PCSK5: variants seen among roughly 807,000 people sequenced by gnomAD.
PCSK5 encodes the protein prohormone convertase 5.
PCSK5 carries 129 observed loss-of-function variants against 233.2 expected under a neutral mutation model. The ratio of observed to expected loss-of-function variants is 0.55; its 90% CI spans 0.48 to 0.64. The LOEUF (loss-of-function observed/expected upper bound fraction) is 0.64. Ranked by LOEUF, PCSK5 falls within the 30% of genes least tolerant of loss-of-function variation. The pLI is 0.00. For synonymous variants in PCSK5, 825 were observed against 879.2 expected, an observed-to-expected ratio of 0.94 and a Z score of 1.09; for missense variants, 2,076 against 2,430.1, an observed-to-expected ratio of 0.85 and a Z score of 3.06.
intron 24 of PCSK5, among the ~76,000 whole-genome samples, chr9:76,259,990 C>G (rs1036381461): frequency 6.6e-6 from 1 of 152,200 alleles, no homozygotes; most frequent in African/African-American, 2.4e-5. Context: ...TTAGCCAGGA[C>G]AGCTTTGCTT....
chr9:76,264,356 T>G (rs1827270639), intron 24 of PCSK5, among the ~76,000 whole-genome samples: 1 of 152,124 alleles, frequency 6.6e-6, no homozygotes, highest in Non-Finnish European at 1.5e-5. Flanking sequence ...ATAAAAATCC[T>G]AGAAGAAAAC....
intron 10 of PCSK5, among the ~76,000 whole-genome samples, chr9:76,152,802 T>A (rs956670107): frequency 2.8e-4 from 42 of 152,352 alleles, no homozygotes; most frequent in Admixed American, 1.2e-3. Flanking sequence ...GAATAGAGTC[T>A]TTTAGGCCTC....
intron 3 of PCSK5, among the ~76,000 whole-genome samples, chr9:76,019,912 T>G (rs1159172423): frequency 6.6e-6 from 1 of 152,256 alleles, no homozygotes; most frequent in African/African-American, 2.4e-5. Context: ...TCTAAATACC[T>G]AATAGACCAT....
In PCSK5 at chr9:76,214,321, C is replaced by T. The variant is rs542417040; in HGVS notation, c.2627-13182C>T. Among the ~76,000 whole-genome samples, 35 of 152,166 alleles carry T rather than the reference C, an allele frequency of 2.3e-4. 1 individual carries two copies. In the East Asian group the frequency reaches 6.8e-3, roughly 30 times the overall value. The stretch of plus-strand genomic sequence containing the variant: ...ACACACACACACGTGCACACACACA[C>T]ACATATGTGTGTGTGCACGCAGCCC... On this transcript the variant is annotated intron_variant, in intron 20 of 37. Coordinates refer to ENST00000674117, the MANE Select transcript of PCSK5 (RefSeq NM_001372043.1).
chr9:76,314,221 C>T (rs1304995062), intron 30 of PCSK5, among the ~76,000 whole-genome samples: 5 of 152,144 alleles, frequency 3.3e-5, no homozygotes, highest in South Asian at 4.1e-4. Flanking sequence ...TGGGACACTA[C>T]GCAGACATGC....
chr9:75,924,321 A>G (rs1308635128), intron 1 of PCSK5, among the ~76,000 whole-genome samples: 1 of 152,182 alleles, frequency 6.6e-6, no homozygotes, highest in Non-Finnish European at 1.5e-5. Context: ...GGAAGGAATC[A>G]AGGATACTCT....
intron 1 of PCSK5, among the ~76,000 whole-genome samples, chr9:75,900,119 C>T (rs1825963523): frequency 6.6e-6 from 1 of 152,144 alleles, no homozygotes; most frequent in African/African-American, 2.4e-5. Context: ...CATTCGCTCC[C>T]TTCATCTCTT....
intron 5 of PCSK5, among the ~76,000 whole-genome samples, chr9:76,040,369 CTCT>C (rs1829054193): frequency 1.9e-5 from 1 of 51,382 alleles, no homozygotes; most frequent in Non-Finnish European, 3.8e-5. Context: ...CTCTCTCTCT[CTCT>C]CTCTCTCTCT....
At chr9:75,890,189 G>C (rs959013567), upstream of PCSK5, among the ~76,000 whole-genome samples, 1 of 152,174 alleles carries the variant, frequency 6.6e-6, no homozygotes, top group African/African-American at 2.4e-5. Flanking sequence ...AGCTTCTCCC[G>C]GGAGCAGAAA....
chr9:76,090,082 C>CT (rs1236304333), intron 7 of PCSK5, among the ~76,000 whole-genome samples: 2 of 151,996 alleles, frequency 1.3e-5, no homozygotes, highest in African/African-American at 2.4e-5. Context: ...AGAGATTTTT[C>CT]TTTTTTTGCC....
intron 20 of PCSK5, among the ~76,000 whole-genome samples, chr9:76,206,043 G>A (rs780559018): frequency 1.3e-5 from 2 of 152,222 alleles, no homozygotes; most frequent in Non-Finnish European, 2.9e-5. Flanking sequence ...ATAGAGCAAT[G>A]GCTGTCAGAC....
chr9:76,238,763 T>C (rs1826332866), intron 22 of PCSK5, among the ~76,000 whole-genome samples, 196 bp from the exon 23 acceptor site: 1 of 152,190 alleles, frequency 6.6e-6, no homozygotes, highest in African/African-American at 2.4e-5. Flanking sequence ...GGAAAATAAT[T>C]CCCTGCAAGG....
chr9:75,974,271 C>A (rs1202048972), intron 2 of PCSK5, among the ~76,000 whole-genome samples: 3 of 152,146 alleles, frequency 2.0e-5, no homozygotes, highest in African/African-American at 7.2e-5. Context: ...ACGGGAGCTC[C>A]AGCCGGTGCA....
At chr9:76,124,603 G>T (rs533470958) in intron 9 of PCSK5, among the ~76,000 whole-genome samples, 46 of 151,852 alleles carry the variant, frequency 3.0e-4, no homozygotes, top group African/African-American at 1.0e-3. Context: ...AAATTATCCG[G>T]GCATGGTGGT....
intron 9 of PCSK5, among the ~76,000 whole-genome samples, chr9:76,133,117 C>G (rs377687666): frequency 1.3e-5 from 2 of 152,014 alleles, no homozygotes; most frequent in East Asian, 1.9e-4. Context: ...AATCTTCTCT[C>G]CCATCCTTTG....
chr9:76,112,247 G>C (rs1832248691), intron 9 of PCSK5, among the ~76,000 whole-genome samples: 1 of 152,126 alleles, frequency 6.6e-6, no homozygotes. Context: ...TGAAACTTCT[G>C]AAATTATCTA....
chr9:76,131,965 A>T (rs746322768), intron 9 of PCSK5, among the ~76,000 whole-genome samples: 24 of 152,114 alleles, frequency 1.6e-4, no homozygotes, highest in Non-Finnish European at 2.8e-4. Context: ...TTTACTCATG[A>T]CAAAATAAAA....
rs1293507752 is a variant in PCSK5 at position 76,361,792 on chromosome 9, C to G, written c.*2870C>G. ...TCTTAGAAACATATAAAAATATATGCATGATAGCCATCATATCAATGGAAG... is the reference window on the plus strand; with the variant it reads ...TCTTAGAAACATATAAAAATATATGGATGATAGCCATCATATCAATGGAAG... On this transcript the variant is annotated 3_prime_UTR_variant, in exon 38 of 38. Coordinates refer to ENST00000674117, the MANE Select transcript of PCSK5 (RefSeq NM_001372043.1). 6.6e-6 allele frequency: 1 copy of G among 152,196 alleles called. No individual in the cohort carries two copies. The highest frequency in any genetic ancestry group is 6.5e-5 in the Admixed American group (1 of 15,280). 9.4% of individuals were successfully genotyped at this position (152,196 alleles called of 1,614,324 possible). A position where few individuals can be genotyped will look rare whatever the true frequency, so the allele number is the denominator to read the frequency against.
chr9:75,916,221 C>T lies in PCSK5; in HGVS notation c.193-16158C>T, dbSNP rs986622665. 2.0e-5 allele frequency among the ~76,000 whole-genome samples: 3 copies of T among 152,224 alleles called. No individual in the cohort carries two copies. The South Asian group carries it at 6.2e-4, about 32-fold the overall frequency. ...ACGAATATGTACTTTAGCATTTAGC[C>T]TATTTAGGTTTAATATAGTATGGTG... On this transcript the variant is annotated intron_variant, in intron 1 of 37. Coordinates refer to ENST00000674117, the MANE Select transcript of PCSK5 (RefSeq NM_001372043.1).
Sources: allele counts gnomAD v4.1 joint callset (sites outside exome capture counted in the v4.1 genomes callset), GRCh38; gene constraint gnomAD v4.1.1; transcripts MANE v1.5; gene names NCBI Gene and HGNC (gene_info 2026-07-23, HGNC 2026-07-21).